The following PSAT1 variants were observed in gnomAD, a reference collection of about 807,000 sequenced individuals.
The protein encoded by PSAT1 is phosphoserine aminotransferase 1.
PSAT1 carries 41 observed loss-of-function variants against 40.3 expected under a neutral mutation model. The ratio of observed to expected loss-of-function variants is 1.02; its 90% CI spans 0.79 to 1.32. PSAT1 has a LOEUF of 1.32. Ranked by LOEUF, PSAT1 falls within the 40% of genes most tolerant of loss-of-function variation. PSAT1 has a pLI of 0.00. For synonymous variants in PSAT1, 147 were observed against 170.5 expected (o/e 0.86, Z 1.07); for missense variants, 406 against 455.8 (o/e 0.89, Z 0.99).
intron 7 of PSAT1, among the ~76,000 whole-genome samples, chr9:78,321,744 G>A (rs1299370644): frequency 2.0e-5 from 3 of 152,194 alleles, no homozygotes; most frequent in Non-Finnish European, 2.9e-5. Flanking sequence ...CACGTGGGCC[G>A]TTTAGCACCT....
Position 78,328,081 on chromosome 9 carries a change from G to C in PSAT1, c.900G>C (p.Lys300Asn), listed in dbSNP as rs1423905834. 6.2e-7 allele frequency: 1 copy of C among 1,611,560 alleles called. No individual in the cohort carries two copies. Among genetic ancestry groups the C allele is most frequent in the East Asian group, 2.2e-5 (1 of 44,866 alleles). The stretch of plus-strand genomic sequence containing the variant: ...CAGTGGAGCCCCAAAATAGAAGCAA[G>C]ATGAATATTCCATTCCGCATTGGCA... ...VCPVEPQNRSKMNIPFRIGNA... is the reference protein window; with the variant it reads ...VCPVEPQNRSNMNIPFRIGNA... Residue 300 changes from lysine to asparagine, a missense_variant, in exon 8 of 9, where the codon AAG becomes AAC. Physicochemically the swap from Lys to Asn is moderately conservative, Grantham distance 94. Transcript: ENST00000376588.
chr9:78,309,610 G>A (rs538732571), intron 6 of PSAT1, among the ~76,000 whole-genome samples: 2 of 152,322 alleles, frequency 1.3e-5, no homozygotes, highest in East Asian at 3.9e-4. Flanking sequence ...TTATCCGCCG[G>A]CTTTGGCCTT....
intron 7 of PSAT1, 131 bp downstream of exon 7, chr9:78,317,935 C>T: frequency 8.6e-7 from 1 of 1,161,454 alleles, no homozygotes. Flanking sequence ...TGTGTGTGGT[C>T]CTGGGCCCCA....
At chr9:78,306,273 G>C (rs1289236319) in intron 4 of PSAT1, 41 bp from the exon 5 acceptor site, 1 of 1,607,494 alleles carries the variant, frequency 6.2e-7, no homozygotes, top group Non-Finnish European at 8.5e-7. Flanking sequence ...GGAAAGAGGA[G>C]AGTGAAAAGT....
chr9:78,328,308 C>T, intron 8 of PSAT1, 120 bp downstream of exon 8: 4 of 1,223,040 alleles, frequency 3.3e-6, no homozygotes, highest in Non-Finnish European at 4.7e-6. Flanking sequence ...ATTTGTTGGG[C>T]CAACCCAGCT....
At chr9:78,308,653 A>G in intron 6 of PSAT1, 70 bp downstream of exon 6, 1 of 1,574,042 alleles carries the variant, frequency 6.4e-7, no homozygotes. Flanking sequence ...CGGAGGTTAC[A>G]TTTTAAAATA....
At chr9:78,314,319 T>C (rs62565648) in intron 6 of PSAT1, among the ~76,000 whole-genome samples, 2,743 of 46,614 alleles carry the variant, frequency 0.059, 20 homozygotes, top group East Asian at 0.11. Flanking sequence ...TTAAGTAGAG[T>C]CACAGGGGCT....
At chr9:78,307,293 A>G (rs1239071499) in intron 5 of PSAT1, among the ~76,000 whole-genome samples, 3 of 152,146 alleles carry the variant, frequency 2.0e-5, no homozygotes, top group East Asian at 3.9e-4. Context: ...ATCATGTACT[A>G]TTTGTCCTTT....
rs370658173 is a variant in PSAT1, at chr9:78,322,402, T to C, written c.869+4598T>C. 1.9e-4 allele frequency among the ~76,000 whole-genome samples: 29 copies of C among 152,320 alleles called. 2 individuals carry two copies. The South Asian group carries it at 6.0e-3, about 32-fold the overall frequency. On this transcript the variant is annotated intron_variant, in intron 7 of 8. Transcript: ENST00000376588. ...AGCAGAAGCACAGATAGGACAAGGA[T>C]GCAGCTGGAAAGTGGGACCAGCCAG...
At position 78,306,239 on chromosome 9, in the gene PSAT1, C is replaced by T; in HGVS notation, c.398-75C>T. On this transcript the variant is annotated intron_variant, in intron 4 of 8. Transcript: ENST00000376588. ...CCTGCTAGGGGAGGCCTGTCAGTCT[C>T]CTGGTTGACTCCCATCTATGTAAGG... 3 of 1,533,110 alleles carry T rather than the reference C, an allele frequency of 2.0e-6. No homozygotes were observed. The South Asian group carries it at 3.4e-5, about 17-fold the overall frequency. 95.0% of individuals were successfully genotyped at this position (1,533,110 alleles called of 1,614,324 possible).
intron 6 of PSAT1, among the ~76,000 whole-genome samples, chr9:78,312,947 C>T (rs1364757908): frequency 6.6e-6 from 1 of 152,186 alleles, no homozygotes; most frequent in African/African-American, 2.4e-5. Flanking sequence ...AACTTCAGAA[C>T]CTCATCTGCA....
At chr9:78,299,339 A>G (rs1302854734) in intron 1 of PSAT1, among the ~76,000 whole-genome samples, 2 of 151,978 alleles carry the variant, frequency 1.3e-5, no homozygotes, top group Non-Finnish European at 2.9e-5. Context: ...TAAGAAAGAT[A>G]CAGTCTCAGG....
At chr9:78,323,374 C>A (rs1036832687) in intron 7 of PSAT1, among the ~76,000 whole-genome samples, 2 of 152,088 alleles carry the variant, frequency 1.3e-5, no homozygotes, top group Admixed American at 6.6e-5. Flanking sequence ...GAGTTTGAGA[C>A]CAGCCTGGGC....
At chr9:78,314,570 A>AGCTT (rs1456145355) in intron 6 of PSAT1, among the ~76,000 whole-genome samples, 1 of 152,186 alleles carries the variant, frequency 6.6e-6, no homozygotes, top group Non-Finnish European at 1.5e-5. Context: ...TCTTCAGGAC[A>AGCTT]GCTTGCTTGC....
At chr9:78,316,576 G>A (rs754371102) in intron 6 of PSAT1, among the ~76,000 whole-genome samples, 3 of 152,136 alleles carry the variant, frequency 2.0e-5, no homozygotes, top group Admixed American at 6.5e-5. Context: ...GTCCTATGCC[G>A]AACTCTGAGA....
intron 6 of PSAT1, among the ~76,000 whole-genome samples, chr9:78,316,455 C>T (rs1242237535): frequency 2.0e-5 from 3 of 152,280 alleles, no homozygotes; most frequent in Non-Finnish European, 4.4e-5. Flanking sequence ...GGGCTCTCAT[C>T]TCCTGTCTCA....
intron 5 of PSAT1, 114 bp downstream of exon 5, chr9:78,306,600 G>A (rs1239960400): frequency 4.5e-6 from 6 of 1,329,560 alleles, no homozygotes; most frequent in Non-Finnish European, 4.3e-6. Context: ...CAGAACCCCT[G>A]AGCCAGTGCA....
intron 7 of PSAT1, among the ~76,000 whole-genome samples, chr9:78,321,617 G>A (rs1311351017): frequency 6.6e-6 from 1 of 152,040 alleles, no homozygotes; most frequent in East Asian, 1.9e-4. Context: ...GGTTTCACCA[G>A]CCCTGCCAGT....
In PSAT1 at chr9:78,304,871, A is replaced by C. The variant is rs753331548; in HGVS notation, c.328A>C (p.Lys110Gln). 4.6e-5 allele frequency: 74 copies of C among 1,613,940 alleles called. No homozygotes were observed. Among genetic ancestry groups the C allele is most frequent in the Non-Finnish European group, 5.4e-5 (64 of 1,180,042 alleles). Reference sequence around the variant, plus strand: ...TGTGGTGACAGGAGCTTGGTCAGCTAAGGCCGCAGAAGAAGCCAAGAAGTT... The same window carrying C: ...TGTGGTGACAGGAGCTTGGTCAGCTCAGGCCGCAGAAGAAGCCAAGAAGTT... ...DYVVTGAWSAKAAEEAKKFGT... is the reference protein window; with the variant it reads ...DYVVTGAWSAQAAEEAKKFGT... The change falls in exon 4 of 9, where the codon AAG (lysine) becomes CAG (glutamine). Residue 110 changes from lysine (K) to glutamine (Q), a missense_variant. Physicochemically the swap from Lys to Gln is moderately conservative, Grantham distance 53. Coordinates refer to ENST00000376588, the MANE Select transcript of PSAT1 (RefSeq NM_058179.4).
Sources: allele counts gnomAD v4.1 joint callset (sites outside exome capture counted in the v4.1 genomes callset), GRCh38; gene constraint gnomAD v4.1.1; transcripts MANE v1.5; gene names NCBI Gene and HGNC (gene_info 2026-07-23, HGNC 2026-07-21).